DIDO1: variants seen among roughly 807,000 people sequenced by gnomAD.
DIDO1 encodes the protein death-inducer obliterator 1.
Under a neutral mutation model 99.4 loss-of-function variants are expected in DIDO1, and 16 were observed. The observed-to-expected ratio is 0.16, with a 90% confidence interval of 0.11 to 0.24. The LOEUF is 0.24. Ranked by LOEUF, DIDO1 falls within the 10% of genes least tolerant of loss-of-function variation. The probability of loss-of-function intolerance (pLI) is 1.00; values close to 1 mark genes in which losing one functional copy is unlikely to be tolerated. For missense variants in DIDO1, 2,996 were observed against 3,014.0 expected, an observed-to-expected ratio of 0.99 and a Z score of 0.14; for synonymous variants, 1,366 against 1,239.1, an observed-to-expected ratio of 1.10 and a Z score of -2.15.
Position 62,879,272 on chromosome 20 carries a change from G to A in DIDO1, c.6684C>T (p.Ala2228=), listed in dbSNP as rs760159287. 15 of 1,571,936 alleles carry A rather than the reference G, an allele frequency of 9.5e-6. No homozygotes were observed. In the Admixed American group the frequency reaches 1.1e-4, roughly 11 times the overall value. ...CGGTGCCAGCGTCGGAGGCCCTCGA[G>A]GCCTCGGGCTTCGGGTCCCGAGCGC... ...KESARDPKPE[A]SRASDAGTAS... The change falls in exon 16 of 16, where the codon GCC becomes GCT. Residue 2228 remains alanine (A), a synonymous_variant. Transcript: ENST00000395343. The surrounding 1 kb of genome is among the most constrained non-coding windows in gnomAD (Gnocchi z 6.3).
chr20:62,924,181 C>T (rs2065210198), intron 1 of DIDO1, among the ~76,000 whole-genome samples: 2 of 152,178 alleles, frequency 1.3e-5, no homozygotes, highest in South Asian at 4.1e-4. Context: ...AAAGGCTGAT[C>T]TTAGTATCCA....
At chr20:62,884,943 C>T (rs555598868) in intron 15 of DIDO1, among the ~76,000 whole-genome samples, 3 of 152,338 alleles carry the variant, frequency 2.0e-5, no homozygotes, top group Non-Finnish European at 2.9e-5. Context: ...GCAAACCTGT[C>T]GAGTTCATGT....
Position 62,911,443 on chromosome 20 carries a change from A to G in DIDO1, c.170T>C (p.Leu57Pro), listed in dbSNP as rs1186031923. 2.5e-6 allele frequency: 4 copies of G among 1,612,254 alleles called. No individual in the cohort carries two copies. The highest frequency in any genetic ancestry group is 1.7e-5 in the Admixed American group (1 of 59,850). The change falls in exon 3 of 16, where the codon CTG becomes CCG. Residue 57 changes from leucine (L) to proline (P), a missense_variant. By Grantham distance (98) the Leu-to-Pro change is moderately conservative. This residue lies in a region of DIDO1 where 388 missense variants were observed against 376.6 expected (regional missense o/e 1.03). Coordinates refer to ENST00000395343, the MANE Select transcript of DIDO1 (RefSeq NM_001193369.2). The surrounding 1 kb of genome is among the most constrained non-coding windows in gnomAD (Gnocchi z 7.0). ...CCCACTGCGCCGCAGGGACAGGCCCAGCTGCTGCTGTGGGGGTGGCGGCTC... is the reference window on the plus strand; with the variant it reads ...CCCACTGCGCCGCAGGGACAGGCCCGGCTGCTGCTGTGGGGGTGGCGGCTC... ...PLEPPPPQQQ[L>P]GLSLRRSGRQ...
In DIDO1 at chr20:62,882,170, C is replaced by A; in HGVS notation, c.3786G>T (p.Pro1262=). The A allele has an allele frequency of 8.7e-6, 14 of 1,613,162 alleles. No individual in the cohort carries two copies. The highest frequency in any genetic ancestry group is 1.2e-5 in the Non-Finnish European group (14 of 1,180,002). The part of the protein sequence containing the change: ...AVSTTPPGSP[P]PPPPLPEPPV... The stretch of plus-strand genomic sequence containing the variant: ...GTGGTTCTGGAAGAGGGGGCGGAGG[C>A]GGCGGCGACCCAGGAGGTGTGGTGC... Residue 1262 remains proline, a synonymous_variant, in exon 16 of 16, where the codon CCG becomes CCT. Coordinates refer to ENST00000395343, the MANE Select transcript of DIDO1 (RefSeq NM_001193369.2).
At position 62,896,761 on chromosome 20, in the gene DIDO1, A is replaced by C; in HGVS notation, c.1824T>G (p.Ala608=). 6.2e-7 allele frequency: 1 copy of C among 1,613,530 alleles called. No homozygotes were observed. The highest frequency in any genetic ancestry group is 8.5e-7 in the Non-Finnish European group (1 of 1,179,578). ...PWLSATPSSG[A]SAARQAGPAP... is the part of the protein sequence containing the mutation. The stretch of plus-strand genomic sequence containing the variant: ...CCGGTCCGGCCTGCCTGGCAGCTGA[A>C]GCACCACTCGATGGGGTAGCGGAGA... Residue 608 remains alanine, a synonymous_variant, in exon 7 of 16, where the codon GCT becomes GCG. Coordinates refer to ENST00000395343, the MANE Select transcript of DIDO1 (RefSeq NM_001193369.2). The surrounding 1 kb of genome is among the most constrained non-coding windows in gnomAD (Gnocchi z 4.4).
rs755179234 is a variant in DIDO1 at position 62,905,876 on chromosome 20, G to A, written c.1588+11C>T. 1.2e-6 allele frequency: 2 copies of A among 1,614,162 alleles called. No homozygotes were observed. Among genetic ancestry groups the A allele is most frequent in the Non-Finnish European group, 1.7e-6 (2 of 1,180,030 alleles). On this transcript the variant is annotated intron_variant, in intron 6 of 15. Transcript: ENST00000395343. ...AGGGGTCCAGGAGGCCAACCCCTAGGTGATACATACATTTATACAACAGTG... is the reference window on the plus strand; with the variant it reads ...AGGGGTCCAGGAGGCCAACCCCTAGATGATACATACATTTATACAACAGTG...
At position 62,879,323 on chromosome 20, in the gene DIDO1, G is replaced by A. The variant is rs1169793490; in HGVS notation, c.6633C>T (p.Arg2211=). 6.4e-7 allele frequency: 1 copy of A among 1,565,190 alleles called. No individual in the cohort carries two copies. The highest frequency in any genetic ancestry group is 1.7e-4 in the Middle Eastern group (1 of 5,998). The change falls in exon 16 of 16, where the codon CGC becomes CGT. Residue 2211 remains arginine (R), a synonymous_variant. Transcript: ENST00000395343. This position sits in a 1 kb window ranked among gnomAD's most constrained non-coding sequence, Gnocchi z 6.3. The part of the protein sequence containing the change: ...KARDRERGRD[R]KDRSKSKESA... ...TCTCTTTGCTCTTGCTCCGGTCCTT[G>A]CGGTCGCGGCCCCGCTCCCTGTCCC... is the stretch of plus-strand genomic sequence containing the variant.
chr20:62,879,334 C>T lies in DIDO1; in HGVS notation c.6622G>A (p.Gly2208Ser), dbSNP rs2064155130. ...TTGCTCCGGTCCTTGCGGTCGCGGC[C>T]CCGCTCCCTGTCCCTGGCCTTGTCT... is the stretch of plus-strand genomic sequence containing the variant. The part of the protein sequence containing the change: ...DRDKARDRER[G>S]RDRKDRSKSK... The change falls in exon 16 of 16, where the codon GGC becomes AGC. Residue 2208 changes from glycine to serine, a missense_variant. Physicochemically the swap from Gly to Ser is moderately conservative, Grantham distance 56. Coordinates refer to ENST00000395343, the MANE Select transcript of DIDO1 (RefSeq NM_001193369.2). This position sits in a 1 kb window ranked among gnomAD's most constrained non-coding sequence, Gnocchi z 6.3. 1 of 1,557,574 alleles carries T rather than the reference C, an allele frequency of 6.4e-7. No homozygotes were observed. Among genetic ancestry groups the T allele is most frequent in the East Asian group, 2.4e-5 (1 of 41,484 alleles).
At position 62,934,748 on chromosome 20, in the gene DIDO1, T is replaced by TG. The variant is rs571563494; in HGVS notation, c.-200+3047dup. ...TGCTCTCTCACCAAAAACCATCAAA[T>TG]GGGGAGTTTTGGCACCTTCACCCTG... On this transcript the variant is annotated intron_variant, in intron 1 of 15. Transcript: ENST00000266070. Among the ~76,000 whole-genome samples the TG allele has an allele frequency of 1.9e-4, 29 of 152,308 alleles. 1 individual carries two copies. The East Asian group carries it at 3.9e-3, about 20-fold the overall frequency.
At chr20:62,936,589 G>A (rs1030452737) in intron 1 of DIDO1, among the ~76,000 whole-genome samples, 2 of 151,860 alleles carry the variant, frequency 1.3e-5, no homozygotes, top group Admixed American at 1.3e-4. Flanking sequence ...AAATAGGCCG[G>A]GAGCGGTGGC....
In DIDO1 at chr20:62,896,153, A is replaced by G. The variant is rs1568847398; in HGVS notation, c.2214+80T>C. ...TAGCTTTCCTGGAAAGGACACGAAC[A>G]TCTCAAAATATTGGTTGATCCCTTT... On this transcript the variant is annotated intron_variant, in intron 8 of 15. Transcript: ENST00000395343. The surrounding 1 kb of genome is among the most constrained non-coding windows in gnomAD (Gnocchi z 4.4). 2 of 1,381,940 alleles carry G rather than the reference A, an allele frequency of 1.4e-6. No homozygotes were observed. The highest frequency in any genetic ancestry group is 2.0e-6 in the Non-Finnish European group (2 of 1,010,312). 85.6% of individuals were successfully genotyped at this position (1,381,940 alleles called of 1,614,324 possible).
intron 15 of DIDO1, among the ~76,000 whole-genome samples, chr20:62,886,141 G>T (rs2064294411): frequency 1.3e-5 from 2 of 152,252 alleles, no homozygotes; most frequent in Admixed American, 6.5e-5. Context: ...GAGGGCTACT[G>T]AGGGCCTCAG....
intron 1 of DIDO1, among the ~76,000 whole-genome samples, chr20:62,925,035 G>A (rs893121835): frequency 2.6e-5 from 4 of 152,200 alleles, no homozygotes; most frequent in African/African-American, 9.7e-5. Flanking sequence ...ACAGGGCTGT[G>A]TCTGTCTTCC....
intron 12 of DIDO1, among the ~76,000 whole-genome samples, chr20:62,893,322 A>G (rs1437074772): frequency 2.6e-5 from 4 of 152,248 alleles, no homozygotes; most frequent in African/African-American, 4.8e-5. Context: ...CAAAGACTTT[A>G]TATGTAAAAG....
chr20:62,905,204 C>G, intron 6 of DIDO1: 1 of 1,131,364 alleles, frequency 8.8e-7, no homozygotes. Flanking sequence ...AATACCAAGT[C>G]CAAGGCACGC....
chr20:62,889,264 G>A, intron 15 of DIDO1: 1 of 985,522 alleles, frequency 1.0e-6, no homozygotes, highest in Non-Finnish European at 1.2e-6. Flanking sequence ...CTTGCTGTGG[G>A]GAGAATGGAG....
At position 62,881,556 on chromosome 20, in the gene DIDO1, G is replaced by T. The variant is rs144581033; in HGVS notation, c.4400C>A (p.Ala1467Asp). 6.2e-7 allele frequency: 1 copy of T among 1,611,912 alleles called. No homozygotes were observed. Among genetic ancestry groups the T allele is most frequent in the Non-Finnish European group, 8.5e-7 (1 of 1,180,024 alleles). ...TTGCTCCACCAGGGAGGGCGTCGCAGCCCCGGCCACCGGCTCGGCAGGCCT... is the reference window on the plus strand; with the variant it reads ...TTGCTCCACCAGGGAGGGCGTCGCATCCCCGGCCACCGGCTCGGCAGGCCT... ...VERPAEPVAG[A>D]ATPSLVEQQK... The change falls in exon 16 of 16, where the codon GCT becomes GAT. Residue 1467 changes from alanine to aspartate, a missense_variant. Ala to Asp is a moderately radical substitution (Grantham distance 126). Around this residue, in one of 5 missense-constraint regions of DIDO1, gnomAD observed 1,562 missense variants for 1,412.6 expected, o/e 1.11. Transcript: ENST00000395343. This position sits in a 1 kb window ranked among gnomAD's most constrained non-coding sequence, Gnocchi z 8.3.
At chr20:62,892,776 A>C in intron 13 of DIDO1, 33 bp downstream of exon 13, 1 of 1,581,768 alleles carries the variant, frequency 6.3e-7, no homozygotes, top group Non-Finnish European at 8.6e-7. Flanking sequence ...TATGAAAGAC[A>C]CACACACGCA....
chr20:62,910,054 A>T, intron 3 of DIDO1, 34 bp from the exon 4 acceptor site: 1 of 1,584,256 alleles, frequency 6.3e-7, no homozygotes, highest in East Asian at 2.2e-5. Flanking sequence ...TAGCAATGGG[A>T]CGTGAGTGAC....
Sources: allele counts gnomAD v4.1 joint callset (sites outside exome capture counted in the v4.1 genomes callset), GRCh38; gene constraint gnomAD v4.1.1; regional missense constraint gnomAD v4.1.1; non-coding constraint Gnocchi (gnomAD v3.1); transcripts MANE v1.5; gene names NCBI Gene and HGNC (gene_info 2026-07-23, HGNC 2026-07-21).